TRAF3IP2: variants seen among roughly 807,000 people sequenced by gnomAD.
TRAF3IP2 encodes the protein TRAF3 interacting protein 2.
TRAF3IP2 carries 35 observed loss-of-function variants against 57.9 expected under a neutral mutation model. The observed-to-expected ratio is 0.60, with a 90% CI of 0.46 to 0.80. The LOEUF (loss-of-function observed/expected upper bound fraction) is 0.80, where lower values mean the gene tolerates loss of function less well. TRAF3IP2 is among the 30% of genes least tolerant of loss of function. TRAF3IP2 has a pLI of 0.00. For missense variants in TRAF3IP2, 556 were observed against 706.4 expected (o/e 0.79, Z 2.41); for synonymous variants, 251 against 268.9 (o/e 0.93, Z 0.65).
intron 8 of TRAF3IP2, 105 bp downstream of exon 8, chr6:111,562,857 AAAG>A: frequency 4.3e-6 from 4 of 925,800 alleles, no homozygotes; most frequent in South Asian, 1.6e-5. Context: ...AAAAAAAAAA[AAAG>A]AAAAGAAAGA....
In TRAF3IP2 at chr6:111,569,956, T is replaced by A. The variant is rs191279696; in HGVS notation, c.1291-2264A>T. Among the ~76,000 whole-genome samples the A allele has an allele frequency of 6.6e-5, 10 of 152,258 alleles. No individual in the cohort carries two copies. The East Asian group carries it at 1.9e-3, about 29-fold the overall frequency. ...GCTACTATTATGGGCTGAATTGTGT[T>A]CCCAAAATTCCTATGTTGAAGCCCT... On this transcript the variant is annotated intron_variant, in intron 5 of 8. Transcript: ENST00000368761.
intron 2 of TRAF3IP2, among the ~76,000 whole-genome samples, chr6:111,581,119 C>T (rs1158692825): frequency 6.6e-6 from 1 of 152,192 alleles, no homozygotes; most frequent in Admixed American, 6.5e-5. Flanking sequence ...GCAGGAGGGT[C>T]CCCAGGGAAG....
At chr6:111,601,078 C>G (rs544214025) in intron 1 of TRAF3IP2, 1 of 596,854 alleles carries the variant, frequency 1.7e-6, no homozygotes, top group African/African-American at 1.8e-5. Context: ...TGCACTTAAC[C>G]GCTTGCATCT....
At chr6:111,604,603 G>A (rs972018608) in intron 1 of TRAF3IP2, among the ~76,000 whole-genome samples, 1 of 152,176 alleles carries the variant, frequency 6.6e-6, no homozygotes, top group Non-Finnish European at 1.5e-5. Context: ...CAGCCCTCCC[G>A]CAGAGACACG....
Position 111,575,809 on chromosome 6 carries a change from A to G in TRAF3IP2, c.1035T>C (p.His345=). Residue 345 remains histidine, a synonymous_variant, in exon 4 of 9, where the codon CAT becomes CAC. Coordinates refer to ENST00000368761, the MANE Select transcript of TRAF3IP2 (RefSeq NM_147686.4). ...CACCAGCTCTATTAGGTGGCTGGTG[A>G]TGTGGCTGGTCCCTAGAAAGGAATA... ...PGLPRHQDQP[H]HQPPNRAGAP... 1.9e-6 allele frequency: 3 copies of G among 1,610,328 alleles called. No individual in the cohort carries two copies. Among genetic ancestry groups the G allele is most frequent in the Non-Finnish European group, 2.5e-6 (3 of 1,178,814 alleles).
chr6:111,567,824 A>G (rs1355586069), intron 5 of TRAF3IP2, 132 bp from the exon 6 acceptor site: 3 of 592,658 alleles, frequency 5.1e-6, no homozygotes, highest in East Asian at 3.3e-5. Flanking sequence ...GAAGGAGCAC[A>G]TAGGTCTAAA....
chr6:111,601,334 G>A, intron 1 of TRAF3IP2: 1 of 598,292 alleles, frequency 1.7e-6, no homozygotes, highest in Non-Finnish European at 3.1e-6. Context: ...TTTGAGAAAA[G>A]CATTTGACTG....
chr6:111,572,236 A>ACCCCCC (rs1795853807), intron 5 of TRAF3IP2, among the ~76,000 whole-genome samples: 1 of 152,146 alleles, frequency 6.6e-6, no homozygotes. Context: ...GTGTCAAGGG[A>ACCCCCC]CTGCAGGGGG....
chr6:111,559,871 T>C (rs1192301173), intron 8 of TRAF3IP2, among the ~76,000 whole-genome samples: 4 of 152,068 alleles, frequency 2.6e-5, no homozygotes, highest in African/African-American at 9.7e-5. Flanking sequence ...TCACACAGAG[T>C]GATGTGAATT....
chr6:111,593,727 T>C (rs1305434025), intron 1 of TRAF3IP2, among the ~76,000 whole-genome samples: 2 of 152,194 alleles, frequency 1.3e-5, no homozygotes, highest in African/African-American at 2.4e-5. Flanking sequence ...CCTCTGCTCA[T>C]TGGCTCTGCA....
At position 111,555,472 on chromosome 6, in the gene TRAF3IP2, G is replaced by T. The variant is rs942420387; in HGVS notation, c.*3933C>A. 1.3e-5 allele frequency among the ~76,000 whole-genome samples: 2 copies of T among 152,184 alleles called. No individual in the cohort carries two copies. Among genetic ancestry groups the T allele is most frequent in the African/African-American group, 4.8e-5 (2 of 41,442 alleles). On this transcript the variant is annotated 3_prime_UTR_variant, in exon 9 of 9. Transcript: ENST00000368761. ...TGAGCACTGAGCTGAGAAATAGCTA[G>T]TCTAATACTTTGATTGTAGCCATGT...
intron 5 of TRAF3IP2, among the ~76,000 whole-genome samples, chr6:111,572,509 G>A (rs1795861086): frequency 6.6e-6 from 1 of 152,242 alleles, no homozygotes; most frequent in African/African-American, 2.4e-5. Flanking sequence ...TGACCATGGT[G>A]AAGCCTGCAG....
At chr6:111,590,065 T>A (rs907820314) in intron 2 of TRAF3IP2, among the ~76,000 whole-genome samples, 41 of 152,190 alleles carry the variant, frequency 2.7e-4, no homozygotes, top group African/African-American at 7.7e-4. Flanking sequence ...CAGCGGAGAT[T>A]TAACATCAAG....
At chr6:111,575,999 C>T (rs1040363453) in intron 3 of TRAF3IP2, among the ~76,000 whole-genome samples, 178 bp from the exon 4 acceptor site, 12 of 152,312 alleles carry the variant, frequency 7.9e-5, no homozygotes, top group African/African-American at 2.9e-4. Context: ...ATAAGCGTTT[C>T]AGCTGGCTGC....
At chr6:111,567,792 A>G in intron 5 of TRAF3IP2, 100 bp from the exon 6 acceptor site, 2 of 878,148 alleles carry the variant, frequency 2.3e-6, no homozygotes, top group Non-Finnish European at 3.2e-6. Context: ...AAGCTCCAAA[A>G]CTTAACTAAT....
Position 111,591,534 on chromosome 6 carries a change from T to A in TRAF3IP2, c.553A>T (p.Arg185Trp). The change falls in exon 2 of 9, where the codon AGG (arginine) becomes TGG (tryptophan). Residue 185 changes from arginine to tryptophan, a missense_variant. By Grantham distance (101) the Arg-to-Trp change is moderately radical. Transcript: ENST00000368761. The surrounding 1 kb of genome is among the most constrained non-coding windows in gnomAD (Gnocchi z 4.9). ...GGCAGATCCAGGCCTGCTCGGTTCC[T>A]GTGAGGCTGGGGCCGTTGCACCATC... is the stretch of plus-strand genomic sequence containing the variant. ...QEMVQRPQPH[R>W]NRAGLDLPTI... 1 of 1,614,216 alleles carries A rather than the reference T, an allele frequency of 6.2e-7. No homozygotes were observed. Among genetic ancestry groups the A allele is most frequent in the Non-Finnish European group, 8.5e-7 (1 of 1,180,020 alleles).
intron 3 of TRAF3IP2, among the ~76,000 whole-genome samples, chr6:111,579,699 T>A (rs1422568805): frequency 6.6e-6 from 1 of 152,158 alleles, no homozygotes; most frequent in Non-Finnish European, 1.5e-5. Context: ...ACCACTGCAC[T>A]CCAGCCTGGG....
intron 2 of TRAF3IP2, among the ~76,000 whole-genome samples, chr6:111,586,204 C>A (rs890153218): frequency 6.6e-6 from 1 of 151,912 alleles, no homozygotes; most frequent in Non-Finnish European, 1.5e-5. Flanking sequence ...ATTTTTTGTG[C>A]ATGCATTCTA....
chr6:111,577,920 C>CCAGG (rs141291677), intron 3 of TRAF3IP2, among the ~76,000 whole-genome samples: 15 of 151,804 alleles, frequency 9.9e-5, no homozygotes, highest in Non-Finnish European at 2.1e-4. Flanking sequence ...GCTATGTTGC[C>CCAGG]CAGGCTGGTC....
Sources: allele counts gnomAD v4.1 joint callset (sites outside exome capture counted in the v4.1 genomes callset), GRCh38; gene constraint gnomAD v4.1.1; non-coding constraint Gnocchi (gnomAD v3.1); transcripts MANE v1.5; gene names NCBI Gene and HGNC (gene_info 2026-07-23, HGNC 2026-07-21).